ANK1: variants seen among roughly 807,000 people sequenced by gnomAD.
The protein encoded by ANK1 is ankyrin 1.
A neutral mutation model predicts 210.4 loss-of-function variants in ANK1; 51 were observed. That is an observed-to-expected ratio of 0.24 (90% CI 0.19 to 0.31). The LOEUF is 0.31. ANK1 is among the 10% of genes least tolerant of loss of function. The pLI, the probability that ANK1 is intolerant of heterozygous loss-of-function variation, is 1.00. For synonymous variants in ANK1, 967 were observed against 1,025.9 expected, an observed-to-expected ratio of 0.94 and a Z score of 1.10; for missense variants, 2,051 against 2,504.4, an observed-to-expected ratio of 0.82 and a Z score of 3.86.
At chr8:41,690,106 G>A (rs950837953) in intron 33 of ANK1, 121 bp downstream of exon 33, 53 of 1,495,900 alleles carry the variant, frequency 3.5e-5, no homozygotes, top group Middle Eastern at 2.4e-4. Flanking sequence ...TGCATGCCTC[G>A]GGGGACTCTA....
intron 11 of ANK1, 59 bp downstream of exon 11, chr8:41,718,047 G>T: frequency 6.5e-7 from 1 of 1,527,194 alleles, no homozygotes. Flanking sequence ...GACTCTTGGA[G>T]AAGGTGGGTC....
At chr8:41,819,211 T>G (rs1332164937) in intron 1 of ANK1, among the ~76,000 whole-genome samples, 1 of 152,226 alleles carries the variant, frequency 6.6e-6, no homozygotes, top group African/African-American at 2.4e-5. Flanking sequence ...GTGTCCACGC[T>G]TCTTAAATTT....
intron 17 of ANK1, among the ~76,000 whole-genome samples, chr8:41,707,931 A>G (rs1052710932): frequency 6.6e-6 from 1 of 152,188 alleles, no homozygotes; most frequent in African/African-American, 2.4e-5. Context: ...GGTTCTTCAC[A>G]TTGCATGGTT....
chr8:41,664,314 T>C (rs923389658), intron 39 of ANK1: 1 of 369,662 alleles, frequency 2.7e-6, no homozygotes, highest in Admixed American at 3.6e-5. Flanking sequence ...TCTACAAAAA[T>C]TTTTTTAAAA....
chr8:41,661,331 C>T (rs1463111977), intron 42 of ANK1, 99 bp downstream of exon 42: 1 of 1,520,318 alleles, frequency 6.6e-7, no homozygotes, highest in African/African-American at 1.4e-5. Flanking sequence ...GTTTGTCCCA[C>T]ATCATGCTGG....
intron 15 of ANK1, 141 bp downstream of exon 15, chr8:41,714,834 TG>T: frequency 1.2e-6 from 1 of 863,402 alleles, no homozygotes; most frequent in Non-Finnish European, 1.9e-6. Flanking sequence ...CACTCCAGCC[TG>T]GGCAACAGAG....
chr8:41,801,960 A>T (rs376898359), upstream of ANK1, among the ~76,000 whole-genome samples: 2 of 151,992 alleles, frequency 1.3e-5, no homozygotes, highest in South Asian at 2.1e-4. Context: ...TCTGTATTAT[A>T]TTTATTTTAT....
At position 41,693,159 on chromosome 8, in the gene ANK1, G is replaced by C; in HGVS notation, c.3575C>G (p.Thr1192Ser). 1 of 1,613,872 alleles carries C rather than the reference G, an allele frequency of 6.2e-7. No individual in the cohort carries two copies. The highest frequency in any genetic ancestry group is 8.5e-7 in the Non-Finnish European group (1 of 1,179,774). ...GCACTCGTTGGCATATACAAGTTTGGTGGTTCCTGTTATGTCTTCCCACTG... is the reference window on the plus strand; with the variant it reads ...GCACTCGTTGGCATATACAAGTTTGCTGGTTCCTGTTATGTCTTCCCACTG... ...QAQWEDITGTTKLVYANECAN... is the reference protein window; with the variant it reads ...QAQWEDITGTSKLVYANECAN... The change falls in exon 30 of 43, where the codon ACC becomes AGC. Residue 1192 changes from threonine (T) to serine (S), a missense_variant. Physicochemically the swap from Thr to Ser is moderately conservative, Grantham distance 58 (BLOSUM62 1). Around this residue, in one of 6 missense-constraint regions of ANK1, gnomAD observed 1,413 missense variants for 1,707.4 expected, o/e 0.83. Transcript: ENST00000289734.
At chr8:41,708,652 G>T in intron 17 of ANK1, 126 bp downstream of exon 17, 1 of 1,043,818 alleles carries the variant, frequency 9.6e-7, no homozygotes, top group African/African-American at 1.6e-5. Flanking sequence ...ATGTACGCAG[G>T]GCTGTTCCAA....
intron 37 of ANK1, 30 bp downstream of exon 37, chr8:41,684,514 C>T (rs754966039): frequency 1.2e-6 from 2 of 1,612,536 alleles, no homozygotes; most frequent in Non-Finnish European, 8.5e-7. Flanking sequence ...GGCTCCGGCT[C>T]AGTCCCCATC....
chr8:41,663,112 C>CTGTGTGTGTGTGTG (rs763969947), intron 40 of ANK1, among the ~76,000 whole-genome samples: 13 of 129,484 alleles, frequency 1.0e-4, no homozygotes, highest in African/African-American at 3.4e-4. Context: ...CTCTCTCTCT[C>CTGTGTGTGTGTGTG]TCTGTGTGTG....
At chr8:41,748,831 C>G (rs539428125) in intron 2 of ANK1, among the ~76,000 whole-genome samples, 24 of 152,296 alleles carry the variant, frequency 1.6e-4, no homozygotes, top group South Asian at 8.3e-4. Flanking sequence ...GTCAGGAGAT[C>G]AAGACCATCC....
intron 1 of ANK1, among the ~76,000 whole-genome samples, chr8:41,819,461 C>T (rs1188647716): frequency 1.3e-5 from 2 of 152,212 alleles, no homozygotes; most frequent in Non-Finnish European, 2.9e-5. Context: ...AAGCTAAGAC[C>T]TTCATTGCCA....
intron 2 of ANK1, among the ~76,000 whole-genome samples, chr8:41,748,516 C>T (rs968088506): frequency 5.9e-5 from 9 of 152,202 alleles, no homozygotes; most frequent in Non-Finnish European, 1.2e-4. Context: ...TGCCCCCTGC[C>T]CCAGTGCCCT....
At chr8:41,818,121 G>A (rs1456951383) in intron 1 of ANK1, among the ~76,000 whole-genome samples, 2 of 152,232 alleles carry the variant, frequency 1.3e-5, no homozygotes, top group East Asian at 3.8e-4. Flanking sequence ...GTATAGGAAA[G>A]CAATAACTAT....
At chr8:41,715,138 C>G in intron 14 of ANK1, 64 bp from the exon 15 acceptor site, 1 of 1,448,484 alleles carries the variant, frequency 6.9e-7, no homozygotes, top group South Asian at 1.1e-5. Flanking sequence ...AGAAAGGGCC[C>G]ACAGCAAAGG....
intron 1 of ANK1, among the ~76,000 whole-genome samples, chr8:41,766,270 T>C (rs1019075883): frequency 2.6e-5 from 4 of 152,148 alleles, no homozygotes; most frequent in Non-Finnish European, 4.4e-5. Context: ...CACTGGGGTA[T>C]GAGGAAAGAC....
intron 2 of ANK1, among the ~76,000 whole-genome samples, chr8:41,751,065 G>A (rs983169279): frequency 1.3e-5 from 2 of 152,146 alleles, no homozygotes; most frequent in African/African-American, 4.8e-5. Context: ...GGCCGGCACT[G>A]CTCTTTTCTG....
At chr8:41,755,667 G>A (rs542054515) in intron 2 of ANK1, among the ~76,000 whole-genome samples, 1 of 152,268 alleles carries the variant, frequency 6.6e-6, no homozygotes, top group African/African-American at 2.4e-5. Context: ...GTGCTAAGAA[G>A]GTCCCAGACC....
Sources: gnomAD v4.1 joint callset for allele counts (sites outside exome capture counted in the v4.1 genomes callset) on GRCh38, gnomAD v4.1.1 for gene constraint, gnomAD v4.1.1 regional missense constraint, MANE v1.5 for transcripts, NCBI Gene and HGNC (gene_info 2026-07-23, HGNC 2026-07-21) for gene names.